The following PTPRD variants were observed in gnomAD, a reference collection of about 807,000 sequenced individuals.
The protein encoded by PTPRD is protein tyrosine phosphatase receptor type D, also known as receptor-type tyrosine-protein phosphatase delta.
In PTPRD, 34 loss-of-function variants were observed where a neutral mutation model predicts 214.5. The ratio of observed to expected loss-of-function variants is 0.16; its 90% CI spans 0.12 to 0.21. PTPRD has a LOEUF of 0.21. PTPRD is among the 10% of genes least tolerant of loss of function. The pLI is 1.00. For synonymous variants in PTPRD, 1,128 were observed against 845.7 expected (o/e 1.33, Z -5.79); for missense variants, 2,545 against 2,398.7 (o/e 1.06, Z -1.27).
At chr9:8,788,157 T>C (rs759120790) in intron 11 of PTPRD, among the ~76,000 whole-genome samples, 16 of 152,080 alleles carry the variant, frequency 1.1e-4, no homozygotes, top group Non-Finnish European at 2.1e-4. Context: ...TCAAAATTCA[T>C]TTAGGACAAC....
chr9:10,115,802 A>C (rs766528595), intron 3 of PTPRD, among the ~76,000 whole-genome samples: 17 of 152,126 alleles, frequency 1.1e-4, no homozygotes, highest in African/African-American at 3.9e-4. Context: ...ACTTTTATCC[A>C]GATGCCTCTT....
chr9:9,812,343 A>C (rs1231547281), intron 5 of PTPRD, among the ~76,000 whole-genome samples: 1 of 152,158 alleles, frequency 6.6e-6, no homozygotes, highest in Non-Finnish European at 1.5e-5. Flanking sequence ...CTTTAATTGT[A>C]AACAGATGAA....
chr9:8,791,099 T>G (rs1011496347), intron 11 of PTPRD, among the ~76,000 whole-genome samples: 1 of 152,080 alleles, frequency 6.6e-6, no homozygotes, highest in South Asian at 2.1e-4. Context: ...GAGAGTGAAC[T>G]AAAGGCAGAA....
chr9:9,560,925 C>A (rs567723181), intron 8 of PTPRD, among the ~76,000 whole-genome samples: 8 of 152,210 alleles, frequency 5.3e-5, no homozygotes, highest in South Asian at 4.1e-4. Context: ...TGGGCACGAG[C>A]AAGCCGAGCT....
intron 14 of PTPRD, among the ~76,000 whole-genome samples, chr9:8,604,280 C>G (rs1203293483): frequency 6.6e-6 from 1 of 152,140 alleles, no homozygotes; most frequent in Non-Finnish European, 1.5e-5. Context: ...AAGAGAGGAC[C>G]ATTAGATCTC....
chr9:9,807,440 G>A (rs986488551), intron 5 of PTPRD, among the ~76,000 whole-genome samples: 1 of 152,084 alleles, frequency 6.6e-6, no homozygotes, highest in Non-Finnish European at 1.5e-5. Flanking sequence ...TGCGATGTTG[G>A]CTAGGAAGCT....
intron 7 of PTPRD, among the ~76,000 whole-genome samples, chr9:9,631,346 C>G (rs116243040): frequency 7.2e-5 from 11 of 151,750 alleles, no homozygotes; most frequent in Non-Finnish European, 1.3e-4. Flanking sequence ...GCTGAAGGAA[C>G]GATTACATCA....
At chr9:9,821,358 G>C (rs1366533797) in intron 5 of PTPRD, among the ~76,000 whole-genome samples, 1 of 152,146 alleles carries the variant, frequency 6.6e-6, no homozygotes. Context: ...GGGGTATGTG[G>C]TAGGGTGGAA....
At chr9:9,519,959 T>C (rs1053085078) in intron 8 of PTPRD, among the ~76,000 whole-genome samples, 3 of 152,042 alleles carry the variant, frequency 2.0e-5, no homozygotes, top group South Asian at 2.1e-4. Flanking sequence ...GGTGCAATGA[T>C]AGACAAATAA....
At chr9:8,422,586 G>C (rs1283970010) in intron 35 of PTPRD, among the ~76,000 whole-genome samples, 4 of 152,136 alleles carry the variant, frequency 2.6e-5, no homozygotes, top group Non-Finnish European at 5.9e-5. Context: ...GAAGATTCTA[G>C]AAATCCTCAA....
chr9:9,336,466 G>A lies in PTPRD; in HGVS notation c.-203+60983C>T, dbSNP rs151021222. Among the ~76,000 whole-genome samples, 563 of 152,238 alleles carry A rather than the reference G, an allele frequency of 3.7e-3. 4 individuals are homozygous for A. The highest frequency in any genetic ancestry group is 0.013 in the African/African-American group (536 of 41,552). Reference sequence around the variant, plus strand: ...CTTGATGTCCAACCAGGTGATGATGGTGGACAGGCTGGCTACATAGTTCTT... The same window carrying A: ...CTTGATGTCCAACCAGGTGATGATGATGGACAGGCTGGCTACATAGTTCTT... On this transcript the variant is annotated intron_variant, in intron 9 of 45. Transcript: ENST00000381196.
At chr9:9,576,574 T>C (rs1367515193) in intron 7 of PTPRD, among the ~76,000 whole-genome samples, 1 of 152,134 alleles carries the variant, frequency 6.6e-6, no homozygotes, top group Non-Finnish European at 1.5e-5. Context: ...TGAATTAGAG[T>C]GACCTTCTTT....
chr9:8,918,050 G>A (rs2098798974), intron 11 of PTPRD, among the ~76,000 whole-genome samples: 1 of 152,140 alleles, frequency 6.6e-6, no homozygotes, highest in Non-Finnish European at 1.5e-5. Context: ...TTTCAATTAA[G>A]GGGACATCTG....
intron 11 of PTPRD, among the ~76,000 whole-genome samples, chr9:8,825,960 G>T (rs1310333732): frequency 6.6e-6 from 1 of 152,086 alleles, no homozygotes; most frequent in Non-Finnish European, 1.5e-5. Flanking sequence ...GGATTTTATG[G>T]CCTGTATTTT....
chr9:9,227,749 G>T (rs1271636265), intron 9 of PTPRD, among the ~76,000 whole-genome samples: 1 of 152,090 alleles, frequency 6.6e-6, no homozygotes, highest in Non-Finnish European at 1.5e-5. Flanking sequence ...CACAGGCAGT[G>T]AAGAACGGAC....
At chr9:8,456,251 G>A (rs2096198009) in intron 33 of PTPRD, among the ~76,000 whole-genome samples, 1 of 152,180 alleles carries the variant, frequency 6.6e-6, no homozygotes, top group Non-Finnish European at 1.5e-5. Flanking sequence ...CAGTAACGCA[G>A]TAGGTTCTAC....
chr9:9,891,008 C>T (rs1026371249), intron 5 of PTPRD, among the ~76,000 whole-genome samples: 1 of 152,048 alleles, frequency 6.6e-6, no homozygotes, highest in African/African-American at 2.4e-5. Context: ...AATGGAAATG[C>T]AAGTTGATTT....
At chr9:9,727,170 T>A (rs891990935) in intron 7 of PTPRD, among the ~76,000 whole-genome samples, 1 of 152,082 alleles carries the variant, frequency 6.6e-6, no homozygotes, top group African/African-American at 2.4e-5. Flanking sequence ...TATAAATTAT[T>A]CTTGGCCGGG....
chr9:9,865,085 C>T (rs75687489), intron 5 of PTPRD, among the ~76,000 whole-genome samples: 10,100 of 152,038 alleles, frequency 0.066, 719 homozygotes, highest in African/African-American at 0.18. Flanking sequence ...CTACAAATTG[C>T]AAATCTACTG....
Sources: allele counts gnomAD v4.1 joint callset (sites outside exome capture counted in the v4.1 genomes callset), GRCh38; gene constraint gnomAD v4.1.1; transcripts MANE v1.5; gene names NCBI Gene and HGNC (gene_info 2026-07-23, HGNC 2026-07-21).